The following BEGAIN variants were observed in gnomAD, a reference collection of about 807,000 sequenced individuals.
BEGAIN encodes brain enriched guanylate kinase associated, also known as brain-enriched guanylate kinase-associated protein.
In BEGAIN, 19 loss-of-function variants were observed where a neutral mutation model predicts 35.8. That is an observed-to-expected ratio of 0.53 (90% CI 0.37 to 0.78). The LOEUF (loss-of-function observed/expected upper bound fraction) is 0.78. BEGAIN is among the 30% of genes least tolerant of loss of function. The pLI is 0.00. For synonymous variants in BEGAIN, 462 were observed against 388.6 expected (o/e 1.19, Z -2.22); for missense variants, 795 against 853.6 (o/e 0.93, Z 0.85).
At chr14:100,566,221 T>C (rs1316626921) in intron 2 of BEGAIN, among the ~76,000 whole-genome samples, 1 of 152,190 alleles carries the variant, frequency 6.6e-6, no homozygotes, top group Non-Finnish European at 1.5e-5. Context: ...CTTTATGGCT[T>C]AGCCCAGGGA....
intron 1 of BEGAIN, among the ~76,000 whole-genome samples, chr14:100,570,146 GC>G (rs1328011685): frequency 1.3e-5 from 2 of 152,216 alleles, no homozygotes; most frequent in Admixed American, 6.5e-5. Context: ...CGAATGACCT[GC>G]CAGGGAGTTT....
At position 100,568,216 on chromosome 14, in the gene BEGAIN, GA is replaced by G. The variant is rs1345819324; in HGVS notation, c.43-278del. The G allele has an allele frequency of 4.6e-6, 3 of 659,186 alleles. No individual in the cohort carries two copies. The highest frequency in any genetic ancestry group is 2.0e-5 in the African/African-American group (1 of 49,410). The allele number at this position is 659,186 out of a possible 1,614,324, so 40.8% of individuals were successfully genotyped here. On this transcript the variant is annotated intron_variant, in intron 1 of 6. Transcript: ENST00000554140. The surrounding 1 kb of genome is among the most constrained non-coding windows in gnomAD (Gnocchi z 7.5). ...CGGGGCGAAGAAGGGGCCGGCCCGG[GA>G]TGGCCCGGCCAGGGGCGATCTCGGC... is the stretch of plus-strand genomic sequence containing the variant.
At chr14:100,556,366 C>T (rs932569082) in intron 2 of BEGAIN, among the ~76,000 whole-genome samples, 2 of 152,186 alleles carry the variant, frequency 1.3e-5, no homozygotes, top group African/African-American at 2.4e-5. Flanking sequence ...TGCAGAACCA[C>T]GTGCTGGGAG....
chr14:100,544,193 T>A (rs1373014122), intron 4 of BEGAIN, among the ~76,000 whole-genome samples: 2 of 152,108 alleles, frequency 1.3e-5, no homozygotes, highest in African/African-American at 4.8e-5. Context: ...AGCCTCAGTT[T>A]CTCATGTGCA....
chr14:100,562,312 C>G (rs568412717), intron 2 of BEGAIN, among the ~76,000 whole-genome samples: 1 of 152,098 alleles, frequency 6.6e-6, no homozygotes, highest in Non-Finnish European at 1.5e-5. Context: ...CAATTAGTTC[C>G]CCACCCTCAA....
intron 3 of BEGAIN, chr14:100,545,567 A>G (rs1595113219): frequency 2.5e-6 from 1 of 395,278 alleles, no homozygotes; most frequent in Non-Finnish European, 3.4e-6. Flanking sequence ...GGTGGGAATC[A>G]GGTGCTTGGA....
chr14:100,572,907 T>C (rs1454117921), intron 1 of BEGAIN, among the ~76,000 whole-genome samples: 1 of 152,052 alleles, frequency 6.6e-6, no homozygotes, highest in Non-Finnish European at 1.5e-5. Context: ...TGCAGAGCCC[T>C]GTTCTGGGGG....
rs2034751294 is a variant in BEGAIN at position 100,567,097 on chromosome 14, G to A, written c.71+814C>T. On this transcript the variant is annotated intron_variant, in intron 2 of 6. Coordinates refer to ENST00000554140, the MANE Select transcript of BEGAIN (RefSeq NM_001385089.1). The surrounding 1 kb of genome is among the most constrained non-coding windows in gnomAD (Gnocchi z 5.1). ...AGGACGGAGACCCTGTGGGCCAGGGGAGACAGTGCTGAAACCCAGCAGCCA... is the reference window on the plus strand; with the variant it reads ...AGGACGGAGACCCTGTGGGCCAGGGAAGACAGTGCTGAAACCCAGCAGCCA... Among the ~76,000 whole-genome samples the A allele has an allele frequency of 6.6e-6, 1 of 152,176 alleles. No homozygotes were observed. Among genetic ancestry groups the A allele is most frequent in the African/African-American group, 2.4e-5 (1 of 41,444 alleles).
At chr14:100,562,717 C>A (rs1007786931) in intron 2 of BEGAIN, among the ~76,000 whole-genome samples, 21 of 152,196 alleles carry the variant, frequency 1.4e-4, no homozygotes, top group African/African-American at 4.8e-4. Flanking sequence ...GGTGCCTTGA[C>A]CCGGTGGCAC....
intron 2 of BEGAIN, among the ~76,000 whole-genome samples, chr14:100,557,285 C>T (rs1482123674): frequency 1.3e-5 from 2 of 152,336 alleles, no homozygotes; most frequent in East Asian, 1.9e-4. Flanking sequence ...AAGGAGGCAT[C>T]GGGGCAGGGA....
At chr14:100,546,864 G>A (rs2032590547) in intron 2 of BEGAIN, 7 of 464,956 alleles carry the variant, frequency 1.5e-5, no homozygotes, top group Non-Finnish European at 2.2e-5. Flanking sequence ...GCGCCCCAGA[G>A]TCAGGGACTC....
chr14:100,585,943 C>A (rs2035435941), intron 1 of BEGAIN, among the ~76,000 whole-genome samples: 1 of 152,266 alleles, frequency 6.6e-6, no homozygotes, highest in African/African-American at 2.4e-5. Flanking sequence ...TGCCACAGTG[C>A]TTGCTTTTCC....
At chr14:100,562,619 G>A (rs1269488495) in intron 2 of BEGAIN, among the ~76,000 whole-genome samples, 2 of 147,390 alleles carry the variant, frequency 1.4e-5, no homozygotes, top group African/African-American at 5.1e-5. Flanking sequence ...CCAGAACGCA[G>A]CACCTCTGCC....
chr14:100,560,104 A>G (rs1444419449), intron 2 of BEGAIN, among the ~76,000 whole-genome samples: 1 of 152,180 alleles, frequency 6.6e-6, no homozygotes, highest in Non-Finnish European at 1.5e-5. Flanking sequence ...TGGGTGGCTG[A>G]GCAGGCCCCA....
In BEGAIN at chr14:100,538,592, C is replaced by A; in HGVS notation, c.1216G>T (p.Gly406Cys). ...GGGGGCATCAGGGCCTGCTGGGGAC[C>A]CGGAGAGGCCGGGAAGCGGAAGGTC... The part of the protein sequence containing the change: ...AETFRFPASP[G>C]PQQALMPPNL... Residue 406 changes from glycine (G) to cysteine (C), a missense_variant, in exon 7 of 7, where the codon GGT becomes TGT. Transcript: ENST00000554140. 1 of 1,545,964 alleles carries A rather than the reference C, an allele frequency of 6.5e-7. No individual in the cohort carries two copies. Among genetic ancestry groups the A allele is most frequent in the Non-Finnish European group, 8.7e-7 (1 of 1,144,922 alleles).
chr14:100,557,891 CA>C (rs997634053), intron 2 of BEGAIN, among the ~76,000 whole-genome samples: 2 of 152,142 alleles, frequency 1.3e-5, no homozygotes, highest in African/African-American at 4.8e-5. Flanking sequence ...TGAAACCATC[CA>C]AAGGGCACTT....
chr14:100,562,333 C>G (rs777049884), intron 2 of BEGAIN, among the ~76,000 whole-genome samples: 18 of 152,142 alleles, frequency 1.2e-4, no homozygotes, highest in Non-Finnish European at 2.4e-4. Flanking sequence ...TGAGCACCTA[C>G]TGCATGCCCA....
At chr14:100,560,259 C>T (rs8017376) in intron 2 of BEGAIN, among the ~76,000 whole-genome samples, 20,303 of 152,138 alleles carry the variant, frequency 0.13, 1,814 homozygotes, top group East Asian at 0.4. Flanking sequence ...GGGATCATCC[C>T]GGCGGCCCTA....
At chr14:100,584,733 C>A (rs565103765) in intron 1 of BEGAIN, among the ~76,000 whole-genome samples, 1 of 152,258 alleles carries the variant, frequency 6.6e-6, no homozygotes, top group South Asian at 2.1e-4. Flanking sequence ...GATACGGAGC[C>A]CTAGAGAGGA....
Sources: gnomAD v4.1 joint callset for allele counts (sites outside exome capture counted in the v4.1 genomes callset) on GRCh38, gnomAD v4.1.1 for gene constraint, Gnocchi (gnomAD v3.1) non-coding constraint, MANE v1.5 for transcripts, NCBI Gene and HGNC (gene_info 2026-07-23, HGNC 2026-07-21) for gene names.